Variants in MYO1E observed in about 807,000 individuals in gnomAD.
MYO1E encodes myosin IE.
In MYO1E, 68 loss-of-function variants were observed where a neutral mutation model predicts 151.1. The observed-to-expected ratio is 0.45, with a 90% CI of 0.37 to 0.55. The LOEUF is 0.55. Ranked by LOEUF, MYO1E falls within the 20% of genes least tolerant of loss-of-function variation. The probability of loss-of-function intolerance (pLI) is 0.00; values close to 1 mark genes in which losing one functional copy is unlikely to be tolerated. For synonymous variants in MYO1E, 601 were observed against 501.7 expected (o/e 1.20, Z -2.64); for missense variants, 1,363 against 1,389.3 (o/e 0.98, Z 0.30).
At chr15:59,264,398 G>A (rs745415956) in intron 2 of MYO1E, among the ~76,000 whole-genome samples, 1 of 152,164 alleles carries the variant, frequency 6.6e-6, no homozygotes, top group Non-Finnish European at 1.5e-5. Flanking sequence ...AGCAGGTACT[G>A]TTGCGTTAAT....
chr15:59,206,778 A>T, intron 14 of MYO1E: 1 of 648,694 alleles, frequency 1.5e-6, no homozygotes, highest in Non-Finnish European at 2.6e-6. Flanking sequence ...CACGTGTCGG[A>T]GACTCTGGCA....
chr15:59,327,620 T>C (rs1447006639), intron 1 of MYO1E, among the ~76,000 whole-genome samples: 1 of 152,108 alleles, frequency 6.6e-6, no homozygotes, highest in Non-Finnish European at 1.5e-5. Flanking sequence ...CAGCCATTTA[T>C]TTACTTTTTA....
rs1454855357 is a variant in MYO1E at position 59,310,653 on chromosome 15, G to GAACA, written c.4-38208_4-38205dup. On this transcript the variant is annotated intron_variant, in intron 1 of 27. Transcript: ENST00000288235. ...TGAATCCTAGCCTTCGGAATTGTGA[G>GAACA]AACACATTTCTGTTGTTTTAAGCCA... Among the ~76,000 whole-genome samples the GAACA allele has an allele frequency of 2.0e-5, 3 of 152,190 alleles. No homozygotes were observed. In the East Asian group the frequency reaches 5.8e-4, roughly 29 times the overall value.
intron 14 of MYO1E, 130 bp downstream of exon 14, chr15:59,208,551 T>C: frequency 8.5e-7 from 1 of 1,172,520 alleles, no homozygotes; most frequent in East Asian, 2.4e-5. Context: ...TTTGCTTCCT[T>C]TGATAGTTAA....
intron 1 of MYO1E, among the ~76,000 whole-genome samples, chr15:59,331,062 G>A (rs544581277): frequency 6.4e-4 from 97 of 152,106 alleles, no homozygotes; most frequent in Non-Finnish European, 1.2e-3. Context: ...GAGCCACGAC[G>A]CCCAGTCTGA....
At chr15:59,293,549 A>G (rs1268780068) in intron 1 of MYO1E, among the ~76,000 whole-genome samples, 1 of 151,990 alleles carries the variant, frequency 6.6e-6, no homozygotes, top group Non-Finnish European at 1.5e-5. Context: ...CCCTCTAAAA[A>G]AAAAAACAAA....
At chr15:59,170,081 G>C (rs999493060) in intron 22 of MYO1E, among the ~76,000 whole-genome samples, 2 of 152,118 alleles carry the variant, frequency 1.3e-5, no homozygotes, top group Non-Finnish European at 2.9e-5. Context: ...GAACCACTTG[G>C]ACCAGGGAGG....
chr15:59,305,931 T>C (rs1358201768), intron 1 of MYO1E, among the ~76,000 whole-genome samples: 1 of 152,182 alleles, frequency 6.6e-6, no homozygotes, highest in Non-Finnish European at 1.5e-5. Flanking sequence ...ACCCTAAGGA[T>C]GGCAGAGCAG....
chr15:59,183,913 C>A (rs1172420614), intron 18 of MYO1E, among the ~76,000 whole-genome samples: 2 of 152,130 alleles, frequency 1.3e-5, no homozygotes, highest in African/African-American at 4.8e-5. Context: ...TTAGCTCCCA[C>A]AAATAAGTGA....
intron 12 of MYO1E, among the ~76,000 whole-genome samples, chr15:59,213,087 C>G (rs1447632815): frequency 2.0e-5 from 3 of 151,634 alleles, no homozygotes; most frequent in African/African-American, 7.3e-5. Context: ...CCCAGGAATC[C>G]TAAACAATAT....
intron 1 of MYO1E, 130 bp downstream of exon 1, chr15:59,372,368 A>C: frequency 8.8e-7 from 1 of 1,131,734 alleles, no homozygotes; most frequent in Non-Finnish European, 1.3e-6. Flanking sequence ...AGAGCTCGCG[A>C]CGTGCCGGCT....
intron 14 of MYO1E, 111 bp downstream of exon 14, chr15:59,208,570 G>A (rs755630591): frequency 2.3e-5 from 31 of 1,333,310 alleles, no homozygotes; most frequent in East Asian, 1.2e-4. Flanking sequence ...AATAAATTCC[G>A]TTTGTTGAAT....
chr15:59,296,732 G>A (rs1329801891), intron 1 of MYO1E, among the ~76,000 whole-genome samples: 1 of 151,504 alleles, frequency 6.6e-6, no homozygotes, highest in Non-Finnish European at 1.5e-5. Flanking sequence ...TTTTCTGTTT[G>A]TTTTGTGTTT....
At chr15:59,321,953 C>T (rs1457618341) in intron 1 of MYO1E, among the ~76,000 whole-genome samples, 1 of 152,112 alleles carries the variant, frequency 6.6e-6, no homozygotes, top group Non-Finnish European at 1.5e-5. Flanking sequence ...GCAGGCAGAC[C>T]ACCTGAGGTC....
intron 1 of MYO1E, among the ~76,000 whole-genome samples, chr15:59,274,229 C>T (rs1282970983): frequency 3.3e-5 from 5 of 152,166 alleles, no homozygotes; most frequent in Non-Finnish European, 7.3e-5. Context: ...CCCATGCTGT[C>T]TTGCAGAAGG....
chr15:59,145,111 G>A (rs1416699476), intron 26 of MYO1E, among the ~76,000 whole-genome samples: 1 of 152,152 alleles, frequency 6.6e-6, no homozygotes, highest in Non-Finnish European at 1.5e-5. Flanking sequence ...CCAAAGTGCT[G>A]GGATTACAGG....
chr15:59,290,942 C>G (rs971802404), intron 1 of MYO1E, among the ~76,000 whole-genome samples: 5 of 152,110 alleles, frequency 3.3e-5, no homozygotes, highest in Admixed American at 6.6e-5. Flanking sequence ...GGAATGGAGA[C>G]CAACTGATAC....
At chr15:59,371,372 A>C (rs143804213) in intron 1 of MYO1E, among the ~76,000 whole-genome samples, 224 of 152,228 alleles carry the variant, frequency 1.5e-3, no homozygotes, top group African/African-American at 5.3e-3. Flanking sequence ...AGGACGAGAT[A>C]ATCCACCTAA....
intron 12 of MYO1E, among the ~76,000 whole-genome samples, chr15:59,211,091 T>C (rs1026317299): frequency 9.2e-5 from 14 of 151,758 alleles, no homozygotes; most frequent in South Asian, 6.2e-4. Context: ...TCCCGGCTAC[T>C]TGGGAGGCTG....
Sources: allele counts gnomAD v4.1 joint callset (sites outside exome capture counted in the v4.1 genomes callset), GRCh38; gene constraint gnomAD v4.1.1; transcripts MANE v1.5; gene names NCBI Gene and HGNC (gene_info 2026-07-23, HGNC 2026-07-21).